ANKRD29: variants seen among roughly 807,000 people sequenced by gnomAD.
ANKRD29 encodes the protein ankyrin repeat domain 29.
Under a neutral mutation model 38.0 loss-of-function variants are expected in ANKRD29, and 32 were observed. The ratio of observed to expected loss-of-function variants is 0.84; its 90% confidence interval spans 0.64 to 1.13. ANKRD29 has a LOEUF of 1.13. Among genes scored for constraint, ANKRD29 ranks in the 50% most tolerant of loss-of-function variants. The pLI is 0.00. For synonymous variants in ANKRD29, 135 were observed against 152.4 expected, an observed-to-expected ratio of 0.89 and a Z score of 0.84; for missense variants, 357 against 377.9, an observed-to-expected ratio of 0.94 and a Z score of 0.46.
chr18:23,634,682 G>A (rs1307681248), intron 4 of ANKRD29, among the ~76,000 whole-genome samples: 1 of 152,186 alleles, frequency 6.6e-6, no homozygotes, highest in Non-Finnish European at 1.5e-5. Context: ...TGGGCGGCTT[G>A]CTAGAGATGT....
chr18:23,607,088 G>A (rs1396351760), intron 9 of ANKRD29, among the ~76,000 whole-genome samples: 1 of 152,166 alleles, frequency 6.6e-6, no homozygotes, highest in Non-Finnish European at 1.5e-5. Context: ...ACCTCTATCT[G>A]CTGGCTGGAA....
chr18:23,603,742 T>C (rs944831259), intron 9 of ANKRD29, among the ~76,000 whole-genome samples: 2 of 152,228 alleles, frequency 1.3e-5, no homozygotes, highest in African/African-American at 4.8e-5. Context: ...AAAATAGTGA[T>C]CTATGAAAAA....
At chr18:23,622,566 T>C (rs2059809899) in intron 6 of ANKRD29, among the ~76,000 whole-genome samples, 1 of 152,118 alleles carries the variant, frequency 6.6e-6, no homozygotes, top group Non-Finnish European at 1.5e-5. Flanking sequence ...TATCTATCTA[T>C]CTACCTACCT....
At chr18:23,612,493 AAAC>A (rs1159929912) in intron 8 of ANKRD29, among the ~76,000 whole-genome samples, 1 of 152,248 alleles carries the variant, frequency 6.6e-6, no homozygotes, top group African/African-American at 2.4e-5. Context: ...GCTGCAGAAG[AAAC>A]AACAACGCCG....
chr18:23,642,651 C>T (rs2060092602), intron 3 of ANKRD29, among the ~76,000 whole-genome samples: 1 of 152,192 alleles, frequency 6.6e-6, no homozygotes, highest in Non-Finnish European at 1.5e-5. Flanking sequence ...CGCTGCTAGC[C>T]ATGGAGGTTT....
At chr18:23,655,692 T>A (rs982328302) in intron 1 of ANKRD29, among the ~76,000 whole-genome samples, 5 of 151,546 alleles carry the variant, frequency 3.3e-5, no homozygotes, top group African/African-American at 1.2e-4. Flanking sequence ...TGACCTCAGG[T>A]GATCTACCCG....
At chr18:23,629,995 C>T in intron 5 of ANKRD29, 44 bp from the exon 6 acceptor site, 1 of 1,537,984 alleles carries the variant, frequency 6.5e-7, no homozygotes, top group Non-Finnish European at 8.9e-7. Flanking sequence ...TTATCTTTCA[C>T]ACTTATTTTA....
chr18:23,634,569 T>C (rs1046308139), intron 4 of ANKRD29, among the ~76,000 whole-genome samples: 1 of 152,000 alleles, frequency 6.6e-6, no homozygotes, highest in Admixed American at 6.6e-5. Flanking sequence ...GGATTACAGG[T>C]GTGAGCTACC....
intron 6 of ANKRD29, among the ~76,000 whole-genome samples, chr18:23,624,047 G>A (rs982069264): frequency 1.6e-4 from 24 of 152,092 alleles, no homozygotes; most frequent in Non-Finnish European, 2.9e-4. Context: ...GTACCAAAAT[G>A]TGAAAAAACA....
intron 9 of ANKRD29, among the ~76,000 whole-genome samples, chr18:23,609,886 A>C (rs1383607208): frequency 6.6e-6 from 1 of 152,234 alleles, no homozygotes; most frequent in Non-Finnish European, 1.5e-5. Context: ...CAAGTATCTA[A>C]GGAGAGATAA....
intron 9 of ANKRD29, among the ~76,000 whole-genome samples, chr18:23,603,082 T>A (rs980670874): frequency 6.6e-6 from 1 of 152,260 alleles, no homozygotes; most frequent in Admixed American, 6.5e-5. Flanking sequence ...AAGGAAGGAG[T>A]ATTTTAACAG....
At chr18:23,622,728 G>A (rs1399626954) in intron 6 of ANKRD29, among the ~76,000 whole-genome samples, 2 of 151,928 alleles carry the variant, frequency 1.3e-5, no homozygotes, top group Non-Finnish European at 2.9e-5. Flanking sequence ...CACCACACCC[G>A]GCTAATTTTT....
chr18:23,602,324 C>A (rs922573417), intron 9 of ANKRD29, among the ~76,000 whole-genome samples: 4 of 152,128 alleles, frequency 2.6e-5, no homozygotes, highest in Admixed American at 6.6e-5. Context: ...GTGTGAGCCA[C>A]CGCGCCCGGG....
At chr18:23,611,741 T>C (rs555019946) in intron 9 of ANKRD29, among the ~76,000 whole-genome samples, 3 of 152,118 alleles carry the variant, frequency 2.0e-5, no homozygotes, top group African/African-American at 7.2e-5. Context: ...CGCACGTCCA[T>C]GGGGAACCTG....
At chr18:23,629,985 TTA>T (rs777509709) in intron 5 of ANKRD29, 34 bp from the exon 6 acceptor site, 2 of 1,564,072 alleles carry the variant, frequency 1.3e-6, no homozygotes, top group Admixed American at 3.4e-5. Context: ...ATTAAAAACA[TTA>T]TCTTTCACAC....
chr18:23,613,634 T>C (rs2059673388), intron 8 of ANKRD29, among the ~76,000 whole-genome samples: 1 of 151,560 alleles, frequency 6.6e-6, no homozygotes, highest in African/African-American at 2.4e-5. Flanking sequence ...GAGTCTTGCT[T>C]TGTCACCCAG....
intron 7 of ANKRD29, chr18:23,619,292 C>G: frequency 2.1e-6 from 1 of 484,064 alleles, no homozygotes; most frequent in Non-Finnish European, 3.6e-6. Flanking sequence ...GAGGCCCCGT[C>G]TCTACCGCCC....
At chr18:23,635,426 A>T (rs1047539588) in intron 4 of ANKRD29, among the ~76,000 whole-genome samples, 1 of 152,286 alleles carries the variant, frequency 6.6e-6, no homozygotes, top group Admixed American at 6.5e-5. Flanking sequence ...TACCAACCAC[A>T]TCACACTGCT....
intron 1 of ANKRD29, among the ~76,000 whole-genome samples, chr18:23,661,530 A>G (rs2060361251): frequency 6.6e-6 from 1 of 152,174 alleles, no homozygotes; most frequent in South Asian, 2.1e-4. Flanking sequence ...ACATGGCAGA[A>G]CCCCGTCTCT....
Sources: gnomAD v4.1 joint callset for allele counts (sites outside exome capture counted in the v4.1 genomes callset) on GRCh38, gnomAD v4.1.1 for gene constraint, MANE v1.5 for transcripts, NCBI Gene and HGNC (gene_info 2026-07-23, HGNC 2026-07-21) for gene names.